SCYL2: variants seen among roughly 807,000 people sequenced by gnomAD.
The protein encoded by SCYL2 is SCY1-like protein 2.
A neutral mutation model predicts 100.4 loss-of-function variants in SCYL2; 36 were observed. The ratio of observed to expected loss-of-function variants is 0.36; its 90% CI spans 0.27 to 0.47. SCYL2 has a LOEUF of 0.47. Among genes scored for constraint, SCYL2 ranks in the 20% least tolerant of loss-of-function variants. The pLI is 1.00. For missense variants in SCYL2, 902 were observed against 1,083.9 expected (o/e 0.83, Z 2.36); for synonymous variants, 330 against 359.2 (o/e 0.92, Z 0.92).
Position 100,293,954 on chromosome 12 carries a change from C to T in SCYL2, c.335+2294C>T, listed in dbSNP as rs548830489. On this transcript the variant is annotated intron_variant, in intron 3 of 17. Transcript: ENST00000360820. ...TTTCTACACAGACACGGCAACCATC[C>T]GATTTCTCAATCTTTTCCCCACCTT... is the stretch of plus-strand genomic sequence containing the variant. Among the ~76,000 whole-genome samples the T allele has an allele frequency of 5.1e-4, 77 of 152,088 alleles. 1 individual carries two copies. Among genetic ancestry groups the T allele is most frequent in the African/African-American group, 1.8e-3 (73 of 41,506 alleles).
At chr12:100,324,323 A>G (rs2135923642) in intron 11 of SCYL2, among the ~76,000 whole-genome samples, 1 of 152,294 alleles carries the variant, frequency 6.6e-6, no homozygotes, top group Middle Eastern at 3.4e-3. Flanking sequence ...TATAGAAGTA[A>G]TATTGAATGC....
At chr12:100,337,564 G>A in intron 17 of SCYL2, 58 bp downstream of exon 17, 1 of 1,494,696 alleles carries the variant, frequency 6.7e-7, no homozygotes. Flanking sequence ...GAGTAAGGTG[G>A]TATAGAACTT....
intron 3 of SCYL2, chr12:100,291,869 C>G (rs2096311114): frequency 2.0e-6 from 1 of 499,536 alleles, no homozygotes; most frequent in East Asian, 3.8e-5. Context: ...TTTACTTTTG[C>G]CATGATTCTG....
chr12:100,281,023 T>TG (rs1170439164), intron 1 of SCYL2, among the ~76,000 whole-genome samples: 15 of 108,104 alleles, frequency 1.4e-4, no homozygotes, highest in African/African-American at 5.5e-4. Context: ...ATCAGTGTTT[T>TG]TTTTTTTTTT....
At chr12:100,329,897 C>A (rs1183319501) in intron 13 of SCYL2, among the ~76,000 whole-genome samples, 1 of 152,216 alleles carries the variant, frequency 6.6e-6, no homozygotes, top group Non-Finnish European at 1.5e-5. Context: ...AGCTGGATGC[C>A]ACTGTCAGTT....
chr12:100,313,790 A>T (rs2096345123), intron 7 of SCYL2, among the ~76,000 whole-genome samples: 1 of 152,208 alleles, frequency 6.6e-6, no homozygotes, highest in Non-Finnish European at 1.5e-5. Context: ...GATTTCAAAT[A>T]AGCAGAGTGC....
chr12:100,333,682 G>A (rs1465258217), intron 13 of SCYL2: 2 of 153,200 alleles, frequency 1.3e-5, no homozygotes, highest in African/African-American at 4.8e-5. Context: ...GTTGGATTAT[G>A]TACATTTAAT....
intron 1 of SCYL2, among the ~76,000 whole-genome samples, chr12:100,271,380 G>C (rs1488308715): frequency 1.3e-5 from 2 of 151,374 alleles, no homozygotes; most frequent in Non-Finnish European, 2.9e-5. Flanking sequence ...CCCAGATTTT[G>C]TGAAGTATTT....
intron 1 of SCYL2, among the ~76,000 whole-genome samples, chr12:100,282,003 C>CCT (rs1160395941): frequency 6.6e-6 from 1 of 151,904 alleles, no homozygotes; most frequent in African/African-American, 2.4e-5. Flanking sequence ...GAGAGTCAGA[C>CCT]CTCCTATATT....
chr12:100,295,196 C>T (rs1449171319), intron 3 of SCYL2, among the ~76,000 whole-genome samples: 3 of 149,200 alleles, frequency 2.0e-5, no homozygotes, highest in East Asian at 2.0e-4. Flanking sequence ...CGGACGGAGA[C>T]GCTCCTCACT....
At chr12:100,278,879 C>T (rs2096295275) in intron 1 of SCYL2, among the ~76,000 whole-genome samples, 1 of 152,172 alleles carries the variant, frequency 6.6e-6, no homozygotes, top group Non-Finnish European at 1.5e-5. Flanking sequence ...CTGCCTACCT[C>T]AGCCTCCCAA....
At chr12:100,298,196 T>C in intron 4 of SCYL2, 21 bp downstream of exon 4, 1 of 1,477,064 alleles carries the variant, frequency 6.8e-7, no homozygotes, top group East Asian at 2.5e-5. Flanking sequence ...TTATTCATCA[T>C]GTAAAAAAGA....
At chr12:100,278,625 A>G (rs2096294925) in intron 1 of SCYL2, among the ~76,000 whole-genome samples, 1 of 147,202 alleles carries the variant, frequency 6.8e-6, no homozygotes, top group African/African-American at 2.6e-5. Context: ...AAATTTGGGG[A>G]AATTCTTTTT....
At chr12:100,324,979 C>A (rs181441747) in intron 11 of SCYL2, among the ~76,000 whole-genome samples, 26 of 152,166 alleles carry the variant, frequency 1.7e-4, no homozygotes, top group Admixed American at 5.9e-4. Flanking sequence ...ACCTTTAATC[C>A]CAACACTTTG....
Position 100,298,096 on chromosome 12 carries a change from A to G in SCYL2, c.401A>G (p.Glu134Gly). The part of the protein sequence containing the change: ...ASLANVLGNW[E>G]NLPSPISPDI... ...TTAGCCAATGTTCTTGGTAACTGGG[A>G]AAATCTACCTTCCCCTATATCTCCA... Residue 134 changes from glutamate to glycine, a missense_variant, in exon 4 of 18, where the codon GAA (glutamate) becomes GGA (glycine). Glu to Gly is a moderately conservative substitution (Grantham distance 98, BLOSUM62 -2). Coordinates refer to ENST00000360820, the MANE Select transcript of SCYL2 (RefSeq NM_017988.6). 2 of 1,610,614 alleles carry G rather than the reference A, an allele frequency of 1.2e-6. No individual in the cohort carries two copies. The highest frequency in any genetic ancestry group is 1.7e-6 in the Non-Finnish European group (2 of 1,178,078).
intron 10 of SCYL2, among the ~76,000 whole-genome samples, chr12:100,320,549 AAAATAAATAAATAAAT>A (rs10644195): frequency 3.5e-4 from 49 of 139,814 alleles, no homozygotes; most frequent in African/African-American, 8.0e-4. Context: ...CTCCGTCTCA[AAAATAAATAAATAAAT>A]AAATAAATAA....
chr12:100,315,236 T>C (rs1947871750), intron 8 of SCYL2, among the ~76,000 whole-genome samples: 1 of 152,170 alleles, frequency 6.6e-6, no homozygotes, highest in African/African-American at 2.4e-5. Context: ...TGATAGTGTT[T>C]ATGTTGTGTG....
At chr12:100,334,952 A>G (rs1952256786) in intron 14 of SCYL2, among the ~76,000 whole-genome samples, 1 of 152,032 alleles carries the variant, frequency 6.6e-6, no homozygotes, top group African/African-American at 2.4e-5. Flanking sequence ...AAGGTCCCCA[A>G]GTAGAAACTC....
intron 4 of SCYL2, among the ~76,000 whole-genome samples, chr12:100,299,558 C>T (rs1044832276): frequency 1.3e-5 from 2 of 152,122 alleles, no homozygotes; most frequent in Admixed American, 6.5e-5. Flanking sequence ...AAATCACTGA[C>T]CTGCTTTCTA....
Sources: gnomAD v4.1 joint callset for allele counts (sites outside exome capture counted in the v4.1 genomes callset) on GRCh38, gnomAD v4.1.1 for gene constraint, MANE v1.5 for transcripts, NCBI Gene and HGNC (gene_info 2026-07-23, HGNC 2026-07-21) for gene names.